Variants in FAT3 observed in about 807,000 individuals in gnomAD.
FAT3 encodes FAT atypical cadherin 3.
FAT3 carries 95 observed loss-of-function variants against 310.2 expected under a neutral mutation model. The ratio of observed to expected loss-of-function variants is 0.31; its 90% confidence interval spans 0.26 to 0.36. FAT3 has a LOEUF of 0.36. Ranked by LOEUF, FAT3 falls within the 10% of genes least tolerant of loss-of-function variation. The probability of loss-of-function intolerance (pLI) is 1.00; values close to 1 mark genes in which losing one functional copy is unlikely to be tolerated. For synonymous variants in FAT3, 2,314 were observed against 2,192.9 expected (o/e 1.06, Z -1.54); for missense variants, 5,408 against 5,715.6 (o/e 0.95, Z 1.74).
chr11:92,676,200 A>C (rs1296844400), intron 3 of FAT3, among the ~76,000 whole-genome samples: 1 of 152,196 alleles, frequency 6.6e-6, no homozygotes, highest in Non-Finnish European at 1.5e-5. Flanking sequence ...TCCAAATGGA[A>C]ACTGGTTTAG....
intron 4 of FAT3, among the ~76,000 whole-genome samples, chr11:92,712,073 TC>T (rs1280022426): frequency 1.3e-5 from 2 of 152,298 alleles, no homozygotes; most frequent in South Asian, 4.1e-4. Context: ...GGCATAGCTG[TC>T]TGCATTCTCT....
intron 4 of FAT3, among the ~76,000 whole-genome samples, chr11:92,712,019 A>G (rs1427590626): frequency 2.0e-5 from 3 of 152,220 alleles, no homozygotes; most frequent in Non-Finnish European, 4.4e-5. Flanking sequence ...AAAGATCTGG[A>G]TAAACATTTG....
At chr11:92,494,903 A>C (rs1264059472) in intron 2 of FAT3, among the ~76,000 whole-genome samples, 2 of 152,088 alleles carry the variant, frequency 1.3e-5, no homozygotes. Flanking sequence ...TAATACATGA[A>C]TTATTTGTTT....
intron 2 of FAT3, among the ~76,000 whole-genome samples, chr11:92,513,345 G>A (rs1953370607): frequency 6.6e-6 from 1 of 152,074 alleles, no homozygotes; most frequent in Admixed American, 6.6e-5. Flanking sequence ...TTCTGTGAAG[G>A]CATTAAGAAT....
intron 2 of FAT3, chr11:92,498,054 T>A (rs1042549593): frequency 2.0e-5 from 3 of 152,308 alleles, no homozygotes; most frequent in Admixed American, 6.6e-5. Context: ...GAACTGACCA[T>A]CTAACATTTT....
intron 3 of FAT3, among the ~76,000 whole-genome samples, chr11:92,568,582 G>C (rs145065352): frequency 6.6e-6 from 1 of 152,244 alleles, no homozygotes; most frequent in African/African-American, 2.4e-5. Context: ...TGATTAGACT[G>C]ATTATAATGT....
chr11:92,719,381 G>A (rs372045330), intron 4 of FAT3, among the ~76,000 whole-genome samples: 3 of 151,958 alleles, frequency 2.0e-5, no homozygotes, highest in Non-Finnish European at 2.9e-5. Flanking sequence ...ATGTATAGTC[G>A]TCTCTCAATA....
At chr11:92,473,788 T>G (rs1171916231) in intron 2 of FAT3, among the ~76,000 whole-genome samples, 1 of 152,154 alleles carries the variant, frequency 6.6e-6, no homozygotes, top group African/African-American at 2.4e-5. Flanking sequence ...AGCAAGAAAC[T>G]CAGAATGCTT....
rs545224597 is a variant in FAT3 at position 92,699,349 on chromosome 11, G to T, written c.3669+1904G>T. Among the ~76,000 whole-genome samples, 4 of 152,252 alleles carry T rather than the reference G, an allele frequency of 2.6e-5. No homozygotes were observed. In the South Asian group the frequency reaches 8.3e-4, roughly 32 times the overall value. The stretch of plus-strand genomic sequence containing the variant: ...ATATTTCAAAATAGCTAGAAGAGAA[G>T]AATTAGAATGGTTCTAGCATAAAGA... On this transcript the variant is annotated intron_variant, in intron 4 of 27. Transcript: ENST00000525166.
At chr11:92,543,000 A>C (rs1412917848) in intron 3 of FAT3, among the ~76,000 whole-genome samples, 2 of 152,154 alleles carry the variant, frequency 1.3e-5, no homozygotes, top group Non-Finnish European at 2.9e-5. Flanking sequence ...AGCTGTAAAA[A>C]AGAATGAAAT....
chr11:92,478,934 C>CTCTTTCTTTCTTTCTTTCTT lies in FAT3; in HGVS notation c.3293-45698_3293-45679dup, dbSNP rs199741658. On this transcript the variant is annotated intron_variant, in intron 2 of 27. Transcript: ENST00000525166. ...CCTGGCTGGCTTTCTTTCTTTCCTT[C>CTCTTTCTTTCTTTCTTTCTT]TCTTTCTTTCTTTCTTTCTTTTCTT... Among the ~76,000 whole-genome samples the CTCTTTCTTTCTTTCTTTCTT allele has an allele frequency of 2.4e-3, 278 of 114,464 alleles. 5 individuals are homozygous for CTCTTTCTTTCTTTCTTTCTT. Among genetic ancestry groups the CTCTTTCTTTCTTTCTTTCTT allele is most frequent in the Middle Eastern group, 0.01 (2 of 194 alleles). 75.1% of individuals were successfully genotyped at this position (114,464 alleles called of 152,430 possible).
intron 1 of FAT3, chr11:92,336,170 C>G (rs1264128142): frequency 3.6e-6 from 2 of 560,728 alleles, no homozygotes; most frequent in Non-Finnish European, 7.1e-6. Flanking sequence ...TGTAATCAGG[C>G]AGATAGGCCA....
At chr11:92,246,958 C>G (rs1864939861) in intron 1 of FAT3, among the ~76,000 whole-genome samples, 1 of 152,050 alleles carries the variant, frequency 6.6e-6, no homozygotes, top group African/African-American at 2.4e-5. Flanking sequence ...AGAAATGAAA[C>G]TAAGACTGAT....
chr11:92,382,516 C>T (rs1949518981), intron 2 of FAT3, among the ~76,000 whole-genome samples: 1 of 152,142 alleles, frequency 6.6e-6, no homozygotes, highest in Non-Finnish European at 1.5e-5. Context: ...GATCCTGCCT[C>T]GTAAGAGGGA....
chr11:92,593,166 A>G (rs1331656700), intron 3 of FAT3, among the ~76,000 whole-genome samples: 2 of 147,562 alleles, frequency 1.4e-5, no homozygotes, highest in Non-Finnish European at 3.0e-5. Flanking sequence ...CTAGTATTCC[A>G]TTGTGTGTGT....
intron 3 of FAT3, among the ~76,000 whole-genome samples, chr11:92,633,030 G>A (rs550520565): frequency 2.0e-5 from 3 of 152,188 alleles, no homozygotes; most frequent in South Asian, 2.1e-4. Flanking sequence ...TACAATCATG[G>A]TGTTATAATT....
chr11:92,766,429 C>G (rs3847525), intron 6 of FAT3, among the ~76,000 whole-genome samples: 8 of 151,984 alleles, frequency 5.3e-5, no homozygotes, highest in East Asian at 1.9e-4. Flanking sequence ...GCCTCTCCCC[C>G]CCAGGAATGG....
intron 3 of FAT3, among the ~76,000 whole-genome samples, chr11:92,567,508 C>T (rs916024780): frequency 4.0e-5 from 6 of 150,136 alleles, no homozygotes; most frequent in African/African-American, 1.5e-4. Context: ...ACTAGAAATA[C>T]CATTTGACCC....
intron 1 of FAT3, among the ~76,000 whole-genome samples, chr11:92,267,812 T>C (rs1369486965): frequency 6.6e-6 from 1 of 152,176 alleles, no homozygotes; most frequent in African/African-American, 2.4e-5. Flanking sequence ...AATTAAGTAA[T>C]TCAAATCTGT....
Sources: allele counts gnomAD v4.1 joint callset (sites outside exome capture counted in the v4.1 genomes callset), GRCh38; gene constraint gnomAD v4.1.1; transcripts MANE v1.5; gene names NCBI Gene and HGNC (gene_info 2026-07-23, HGNC 2026-07-21).